PPP2R2C: variants seen among roughly 807,000 people sequenced by gnomAD.
PPP2R2C encodes protein phosphatase 2 regulatory subunit Bgamma, also known as protein phosphatase 2, regulatory subunit B, gamma.
PPP2R2C carries 10 observed loss-of-function variants against 45.3 expected under a neutral mutation model. That is an observed-to-expected ratio of 0.22 (90% confidence interval 0.14 to 0.37). The LOEUF (loss-of-function observed/expected upper bound fraction) is 0.37, where lower values mean the gene tolerates loss of function less well. PPP2R2C is among the 10% of genes least tolerant of loss of function. The pLI is 1.00. For synonymous variants in PPP2R2C, 257 were observed against 245.4 expected (o/e 1.05, Z -0.44); for missense variants, 308 against 619.7 (o/e 0.50, Z 5.34).
intron 1 of PPP2R2C, among the ~76,000 whole-genome samples, chr4:6,418,582 C>T (rs1718754138): frequency 6.6e-6 from 1 of 152,252 alleles, no homozygotes; most frequent in Non-Finnish European, 1.5e-5. Flanking sequence ...GCCCCTGGGC[C>T]TGGGCACCCT....
At chr4:6,441,393 G>A (rs974933830) in intron 1 of PPP2R2C, among the ~76,000 whole-genome samples, 11 of 151,976 alleles carry the variant, frequency 7.2e-5, no homozygotes, top group African/African-American at 2.7e-4. Context: ...GAGGAGCCAC[G>A]CTCCTCAGCC....
At chr4:6,361,048 C>T (rs1020908549) in intron 5 of PPP2R2C, among the ~76,000 whole-genome samples, 1 of 152,190 alleles carries the variant, frequency 6.6e-6, no homozygotes, top group African/African-American at 2.4e-5. Context: ...GGCCCTGTCT[C>T]CAAATATAGT....
chr4:6,397,164 G>A (rs898343071), intron 1 of PPP2R2C, among the ~76,000 whole-genome samples: 4 of 152,284 alleles, frequency 2.6e-5, no homozygotes, highest in Middle Eastern at 3.4e-3. Context: ...TAAGAGAAGC[G>A]TGGCCCTTCC....
intron 2 of PPP2R2C, among the ~76,000 whole-genome samples, chr4:6,531,876 G>A (rs1724414194): frequency 6.6e-6 from 1 of 152,268 alleles, no homozygotes; most frequent in South Asian, 2.1e-4. Context: ...CCCAGGTCCG[G>A]AGCAGGTGGC....
intron 1 of PPP2R2C, among the ~76,000 whole-genome samples, chr4:6,457,207 C>CAAAAAAAAAAAAA (rs34145628): frequency 1.7e-4 from 15 of 88,786 alleles, no homozygotes; most frequent in East Asian, 6.3e-4. Flanking sequence ...GACTCCATCT[C>CAAAAAAAAAAAAA]AAAAAAAAAA....
chr4:6,392,694 G>A (rs192475988), intron 1 of PPP2R2C, among the ~76,000 whole-genome samples: 22 of 152,356 alleles, frequency 1.4e-4, no homozygotes, highest in Admixed American at 7.2e-4. Context: ...CCTGCACCCA[G>A]CAGGCCGGGA....
chr4:6,529,083 G>A (rs1202293319), intron 2 of PPP2R2C, among the ~76,000 whole-genome samples: 1 of 152,214 alleles, frequency 6.6e-6, no homozygotes, highest in African/African-American at 2.4e-5. Flanking sequence ...TGTCTCCATA[G>A]GCAGATGGCT....
At chr4:6,458,051 T>C (rs550859553) in intron 1 of PPP2R2C, among the ~76,000 whole-genome samples, 12 of 152,370 alleles carry the variant, frequency 7.9e-5, no homozygotes, top group Non-Finnish European at 1.5e-4. Flanking sequence ...TCTGGCTGCA[T>C]ATAAGAGCTT....
At chr4:6,518,922 T>TAAAAAAAAAAAAAAAAAAAAAA (rs56002128) in intron 2 of PPP2R2C, among the ~76,000 whole-genome samples, 2 of 92,922 alleles carry the variant, frequency 2.2e-5, no homozygotes, top group Non-Finnish European at 4.0e-5. Flanking sequence ...GACTCTGTCT[T>TAAAAAAAAAAAAAAAAAAAAAA]AAAAAAAAAA....
At chr4:6,527,727 T>G (rs2108819440) in intron 2 of PPP2R2C, among the ~76,000 whole-genome samples, 1 of 151,906 alleles carries the variant, frequency 6.6e-6, no homozygotes, top group Non-Finnish European at 1.5e-5. Flanking sequence ...AACCAAAATA[T>G]GGGGCCCCAG....
At chr4:6,547,114 T>C (rs1249997988) in intron 1 of PPP2R2C, among the ~76,000 whole-genome samples, 1 of 152,196 alleles carries the variant, frequency 6.6e-6, no homozygotes, top group East Asian at 1.9e-4. Context: ...AAACATGCAG[T>C]CACTCAGATT....
At chr4:6,363,086 C>T (rs1372342185) in intron 5 of PPP2R2C, among the ~76,000 whole-genome samples, 2 of 152,140 alleles carry the variant, frequency 1.3e-5, no homozygotes, top group Non-Finnish European at 2.9e-5. Flanking sequence ...CTGACCTCGA[C>T]GCAATGGCTC....
intron 2 of PPP2R2C, among the ~76,000 whole-genome samples, chr4:6,523,018 G>T (rs1470047649): frequency 1.3e-5 from 2 of 152,228 alleles, no homozygotes; most frequent in Non-Finnish European, 2.9e-5. Context: ...CCGAACTCAA[G>T]CCTTGGGTCA....
chr4:6,404,481 T>G (rs1717656500), intron 1 of PPP2R2C, among the ~76,000 whole-genome samples: 1 of 152,202 alleles, frequency 6.6e-6, no homozygotes, highest in Admixed American at 6.5e-5. Context: ...GTGTGTTCAC[T>G]TCCTACACTT....
At chr4:6,433,594 T>TC (rs1553898637) in intron 1 of PPP2R2C, among the ~76,000 whole-genome samples, 1 of 152,022 alleles carries the variant, frequency 6.6e-6, no homozygotes, top group African/African-American at 2.4e-5. Flanking sequence ...GGCCAAGTCA[T>TC]CCCCCCCATT....
rs78188381 is a variant in PPP2R2C, at chr4:6,433,399, A to T, written c.70+38761T>A. ...GTTTCCATTTCTCCAGCCCCGCCCT[A>T]CACTTGGTATTGTAAGACATCAACA... On this transcript the variant is annotated intron_variant, in intron 1 of 8. Transcript: ENST00000382599. 3.9e-4 allele frequency among the ~76,000 whole-genome samples: 59 copies of T among 152,264 alleles called. No individual in the cohort carries two copies. In the East Asian group the frequency reaches 9.8e-3, roughly 25 times the overall value.
chr4:6,409,609 C>T (rs1211589884), intron 1 of PPP2R2C, among the ~76,000 whole-genome samples: 2 of 152,036 alleles, frequency 1.3e-5, no homozygotes, highest in African/African-American at 4.8e-5. Flanking sequence ...TCGTCACTGG[C>T]CAGAGAGTAG....
chr4:6,556,148 C>T (rs1429350906), intron 1 of PPP2R2C, among the ~76,000 whole-genome samples: 1 of 152,128 alleles, frequency 6.6e-6, no homozygotes, highest in East Asian at 1.9e-4. Context: ...CTTGACGGGG[C>T]CACGGGATGC....
chr4:6,427,163 C>G (rs1166273504), intron 1 of PPP2R2C, among the ~76,000 whole-genome samples: 1 of 152,200 alleles, frequency 6.6e-6, no homozygotes, highest in Admixed American at 6.5e-5. Context: ...GGCTGGGAGG[C>G]CAGGACGAGC....
Sources: gnomAD v4.1 joint callset for allele counts (sites outside exome capture counted in the v4.1 genomes callset) on GRCh38, gnomAD v4.1.1 for gene constraint, MANE v1.5 for transcripts, NCBI Gene and HGNC (gene_info 2026-07-23, HGNC 2026-07-21) for gene names.